Variants in PDZD8 observed in about 807,000 individuals in gnomAD.
The protein encoded by PDZD8 is PDZ domain-containing protein 8.
Under a neutral mutation model 85.8 loss-of-function variants are expected in PDZD8, and 14 were observed. The ratio of observed to expected loss-of-function variants is 0.16; its 90% CI spans 0.11 to 0.26. The LOEUF is 0.26. Ranked by LOEUF, PDZD8 falls within the 10% of genes least tolerant of loss-of-function variation. The probability of loss-of-function intolerance (pLI) is 1.00; values close to 1 mark genes in which losing one functional copy is unlikely to be tolerated. For missense variants in PDZD8, 1,197 were observed against 1,424.3 expected (o/e 0.84, Z 2.57); for synonymous variants, 592 against 568.6 (o/e 1.04, Z -0.59).
intron 1 of PDZD8, among the ~76,000 whole-genome samples, chr10:117,343,259 T>A (rs1292624204): frequency 6.6e-6 from 1 of 152,140 alleles, no homozygotes; most frequent in Non-Finnish European, 1.5e-5. Flanking sequence ...TAAGTAAGAT[T>A]AAAGAAAAAA....
chr10:117,292,541 T>C (rs1844786027), intron 3 of PDZD8, among the ~76,000 whole-genome samples: 2 of 151,514 alleles, frequency 1.3e-5, no homozygotes, highest in Admixed American at 1.3e-4. Flanking sequence ...GTCTGAGTAC[T>C]GTAAAGTTTA....
rs1385716497 is a variant in PDZD8 at position 117,278,350 on chromosome 10, T to C, written c.*4918A>G. 2 of 152,216 alleles carry C rather than the reference T, an allele frequency of 1.3e-5. No homozygotes were observed. The highest frequency in any genetic ancestry group is 4.8e-5 in the African/African-American group (2 of 41,462). The allele number at this position is 152,216 out of a possible 1,614,324, so 9.4% of individuals were successfully genotyped here. A position where few individuals can be genotyped will look rare whatever the true frequency, so the allele number is the denominator to read the frequency against. ...GAATGAAATTATGTCTTGAATCATA[T>C]ATTAAGAAGTAAAAATAATAGTGAT... On this transcript the variant is annotated 3_prime_UTR_variant, in exon 5 of 5. Coordinates refer to ENST00000334464, the MANE Select transcript of PDZD8 (RefSeq NM_173791.5).
At chr10:117,300,064 C>G (rs896646156) in intron 3 of PDZD8, among the ~76,000 whole-genome samples, 7 of 41,022 alleles carry the variant, frequency 1.7e-4, no homozygotes, top group Non-Finnish European at 4.0e-4. Flanking sequence ...TATGAGAAAC[C>G]CCCCCCATGT....
chr10:117,342,213 TA>T (rs553483205), intron 1 of PDZD8, among the ~76,000 whole-genome samples: 15 of 152,304 alleles, frequency 9.8e-5, no homozygotes, highest in African/African-American at 3.6e-4. Flanking sequence ...CTGTAGGTTT[TA>T]AAAAACTTTT....
intron 2 of PDZD8, among the ~76,000 whole-genome samples, chr10:117,333,608 T>C (rs1844467746): frequency 6.6e-6 from 1 of 152,184 alleles, no homozygotes; most frequent in Admixed American, 6.5e-5. Context: ...ACGGGATTCA[T>C]AGACAAATGC....
intron 1 of PDZD8, among the ~76,000 whole-genome samples, chr10:117,358,582 T>C (rs1844941476): frequency 1.3e-5 from 2 of 152,150 alleles, no homozygotes; most frequent in Admixed American, 1.3e-4. Flanking sequence ...TTCTCTTCCC[T>C]CTGATTTTCT....
intron 1 of PDZD8, among the ~76,000 whole-genome samples, chr10:117,366,592 T>TACCACCACCACC (rs140867417): frequency 4.4e-4 from 67 of 150,668 alleles, no homozygotes; most frequent in East Asian, 1.4e-3. Context: ...TCACCACCAT[T>TACCACCACCACC]ACCACCACCA....
chr10:117,365,123 C>CAA (rs11313668), intron 1 of PDZD8, among the ~76,000 whole-genome samples: 24 of 148,192 alleles, frequency 1.6e-4, no homozygotes, highest in Non-Finnish European at 2.8e-4. Context: ...AAATATATGC[C>CAA]AAAAAAAAAA....
chr10:117,370,105 AT>A (rs1164919644), intron 1 of PDZD8, among the ~76,000 whole-genome samples: 4 of 152,226 alleles, frequency 2.6e-5, no homozygotes, highest in Non-Finnish European at 5.9e-5. Context: ...ATTTAAAAAA[AT>A]ATATTGCTAT....
intron 4 of PDZD8, among the ~76,000 whole-genome samples, chr10:117,286,349 C>T (rs183968894): frequency 3.4e-4 from 52 of 152,314 alleles, no homozygotes; most frequent in African/African-American, 1.2e-3. Context: ...TCTTCCCACA[C>T]TCTCTAAAAC....
In PDZD8 at chr10:117,277,395, T is replaced by C. The variant is rs1262108684; in HGVS notation, c.*5873A>G. The C allele has an allele frequency of 5.7e-6, 3 of 528,836 alleles. No individual in the cohort carries two copies. The African/African-American group carries it at 5.9e-5, about 10-fold the overall frequency. 32.8% of individuals were successfully genotyped at this position (528,836 alleles called of 1,614,324 possible). A position where few individuals can be genotyped will look rare whatever the true frequency, so the allele number is the denominator to read the frequency against. ...GAAAGAGTAAAACCAAAGGTTATTA[T>C]TTCCTTTCCATGGTTATGGTCGATT... On this transcript the variant is annotated 3_prime_UTR_variant, in exon 5 of 5. Coordinates refer to ENST00000334464, the MANE Select transcript of PDZD8 (RefSeq NM_173791.5).
chr10:117,335,731 G>C (rs1844505414), intron 2 of PDZD8, among the ~76,000 whole-genome samples: 1 of 152,196 alleles, frequency 6.6e-6, no homozygotes. Context: ...TAAGAACACA[G>C]TACTTGACCC....
chr10:117,278,488 T>C lies in PDZD8; in HGVS notation c.*4780A>G, dbSNP rs1437983796. ...ACAACATTGATGTGCCTTTTCAGTGTAACAGCAAATACTGTTAGTGAACAT... is the reference window on the plus strand; with the variant it reads ...ACAACATTGATGTGCCTTTTCAGTGCAACAGCAAATACTGTTAGTGAACAT... On this transcript the variant is annotated 3_prime_UTR_variant, in exon 5 of 5. Coordinates refer to ENST00000334464, the MANE Select transcript of PDZD8 (RefSeq NM_173791.5). The C allele has an allele frequency of 1.3e-5, 2 of 152,260 alleles. No homozygotes were observed. Among genetic ancestry groups the C allele is most frequent in the African/African-American group, 4.8e-5 (2 of 41,470 alleles). The allele number at this position is 152,260 out of a possible 1,614,324, so 9.4% of individuals were successfully genotyped here.
chr10:117,327,403 A>T (rs1255502682), intron 2 of PDZD8, among the ~76,000 whole-genome samples: 1 of 152,230 alleles, frequency 6.6e-6, no homozygotes, highest in African/African-American at 2.4e-5. Flanking sequence ...GTTAAATGCC[A>T]TATAAGCAAA....
At chr10:117,359,356 C>T (rs998367559) in intron 1 of PDZD8, among the ~76,000 whole-genome samples, 1 of 151,900 alleles carries the variant, frequency 6.6e-6, no homozygotes, top group African/African-American at 2.4e-5. Context: ...GTTGAGGTTA[C>T]ACTGAGCCAT....
At chr10:117,293,262 C>G (rs10886054) in intron 3 of PDZD8, among the ~76,000 whole-genome samples, 68,954 of 151,776 alleles carry the variant, frequency 0.45, 16,396 homozygotes, top group East Asian at 0.54. Context: ...AATTCTCTCC[C>G]ATATGTATGC....
chr10:117,335,965 T>C (rs937592714), intron 2 of PDZD8, among the ~76,000 whole-genome samples: 1 of 151,998 alleles, frequency 6.6e-6, no homozygotes, highest in Admixed American at 6.6e-5. Flanking sequence ...TGAACTAGAG[T>C]TGGAGGTACA....
chr10:117,284,948 T>C lies in PDZD8; in HGVS notation c.1785A>G (p.Pro595=). 6.2e-7 allele frequency: 1 copy of C among 1,614,162 alleles called. No homozygotes were observed. The highest frequency in any genetic ancestry group is 8.5e-7 in the Non-Finnish European group (1 of 1,180,016). The change falls in exon 5 of 5, where the codon CCA becomes CCG. Residue 595 remains proline, a synonymous_variant. Coordinates refer to ENST00000334464, the MANE Select transcript of PDZD8 (RefSeq NM_173791.5). ...SAFKPPVPPR[P]QAKVPLPSAD... ...CGGAAGGCAAAGGAACTTTCGCTTG[T>C]GGTCGTGGTGGCACAGGTGGTTTGA...
At chr10:117,346,782 C>G (rs909847131) in intron 1 of PDZD8, among the ~76,000 whole-genome samples, 9 of 152,018 alleles carry the variant, frequency 5.9e-5, no homozygotes, top group African/African-American at 2.2e-4. Flanking sequence ...CCTGGTAAAA[C>G]CACGTACAGG....
Sources: gnomAD v4.1 joint callset for allele counts (sites outside exome capture counted in the v4.1 genomes callset) on GRCh38, gnomAD v4.1.1 for gene constraint, MANE v1.5 for transcripts, NCBI Gene and HGNC (gene_info 2026-07-23, HGNC 2026-07-21) for gene names.